The following INO80 variants were observed in gnomAD, a reference collection of about 807,000 sequenced individuals.
The protein encoded by INO80 is chromatin-remodeling ATPase INO80.
In INO80, 20 loss-of-function variants were observed where a neutral mutation model predicts 203.4. That is an observed-to-expected ratio of 0.10 (90% CI 0.07 to 0.14). INO80 has a LOEUF of 0.14. INO80 is among the 10% of genes least tolerant of loss of function. INO80 has a pLI of 1.00. For synonymous variants in INO80, 726 were observed against 685.2 expected (o/e 1.06, Z -0.93); for missense variants, 1,419 against 1,914.4 (o/e 0.74, Z 4.83).
intron 23 of INO80, among the ~76,000 whole-genome samples, chr15:41,046,854 G>A (rs556585366): frequency 1.3e-5 from 2 of 151,952 alleles, no homozygotes; most frequent in South Asian, 4.2e-4. Flanking sequence ...CTGACCTTAA[G>A]TGATCCACCC....
intron 27 of INO80, among the ~76,000 whole-genome samples, chr15:41,009,619 G>T (rs924289637): frequency 6.6e-6 from 1 of 151,848 alleles, no homozygotes; most frequent in Non-Finnish European, 1.5e-5. Flanking sequence ...TTGAGGCAGG[G>T]TCTTGCTCTA....
intron 35 of INO80, 96 bp downstream of exon 35, chr15:40,982,766 C>G (rs534188495): frequency 2.0e-6 from 2 of 1,019,530 alleles, no homozygotes; most frequent in Non-Finnish European, 2.9e-6. Context: ...AGAAAGCTCC[C>G]GGCTTCAGGG....
chr15:41,008,050 T>C (rs1830894761), intron 27 of INO80, among the ~76,000 whole-genome samples: 1 of 152,138 alleles, frequency 6.6e-6, no homozygotes, highest in Non-Finnish European at 1.5e-5. Flanking sequence ...GGTATGTGCC[T>C]GTAGTCCCAG....
At chr15:41,038,905 G>A (rs1424370351) in intron 24 of INO80, among the ~76,000 whole-genome samples, 6 of 152,136 alleles carry the variant, frequency 3.9e-5, no homozygotes, top group Non-Finnish European at 8.8e-5. Context: ...TACTTCTCAT[G>A]GCTTCACATT....
At chr15:41,058,576 T>G in intron 16 of INO80, 63 bp downstream of exon 16, 1 of 963,986 alleles carries the variant, frequency 1.0e-6, no homozygotes, top group Non-Finnish European at 1.5e-6. Context: ...TGTGCGTGTG[T>G]GTGTGTGTGT....
chr15:41,041,742 C>T (rs910907115), intron 24 of INO80, among the ~76,000 whole-genome samples: 1 of 152,158 alleles, frequency 6.6e-6, no homozygotes, highest in Non-Finnish European at 1.5e-5. Flanking sequence ...CTGTACCCAG[C>T]CGGCTTCTAG....
At chr15:40,998,983 TACAC>T (rs10650860) in intron 28 of INO80, among the ~76,000 whole-genome samples, 2,861 of 140,386 alleles carry the variant, frequency 0.02, 40 homozygotes, top group Non-Finnish European at 0.027. Flanking sequence ...AAGATTTATC[TACAC>T]ACACACACAC....
At chr15:41,073,063 G>C (rs1047790999) in intron 11 of INO80, among the ~76,000 whole-genome samples, 12 of 152,008 alleles carry the variant, frequency 7.9e-5, no homozygotes, top group African/African-American at 2.9e-4. Flanking sequence ...ACAGGAGTGA[G>C]CCACCACGCC....
At chr15:41,100,848 A>G (rs1342421538) in intron 1 of INO80, among the ~76,000 whole-genome samples, 1 of 133,524 alleles carries the variant, frequency 7.5e-6, no homozygotes, top group Non-Finnish European at 1.6e-5. Context: ...TTTTTTTTTG[A>G]GACAGAGGCT....
chr15:41,062,291 C>A (rs1343125455), intron 14 of INO80, among the ~76,000 whole-genome samples: 3 of 151,792 alleles, frequency 2.0e-5, no homozygotes, highest in African/African-American at 7.3e-5. Flanking sequence ...CAAGTTTTTC[C>A]CCCAGATTAT....
chr15:41,005,580 C>T lies in INO80; in HGVS notation c.3497+13G>A. 6.9e-7 allele frequency: 1 copy of T among 1,452,312 alleles called. No homozygotes were observed. Among genetic ancestry groups the T allele is most frequent in the Non-Finnish European group, 9.6e-7 (1 of 1,040,446 alleles). 90.0% of individuals were successfully genotyped at this position (1,452,312 alleles called of 1,614,324 possible). A position where few individuals can be genotyped will look rare whatever the true frequency, so the allele number is the denominator to read the frequency against. On this transcript the variant is annotated intron_variant, in intron 28 of 35. Transcript: ENST00000648947. ...ATTAAAAAGATAATTTTTGTAATTC[C>T]CATGAACATTACCTGTTCTGAAAAT...
At chr15:41,021,481 A>G (rs1301211659) in intron 25 of INO80, among the ~76,000 whole-genome samples, 1 of 152,248 alleles carries the variant, frequency 6.6e-6, no homozygotes, top group East Asian at 1.9e-4. Context: ...AAGTTCTCTT[A>G]ACCATATGCA....
chr15:41,050,556 C>A (rs570807587), intron 19 of INO80, among the ~76,000 whole-genome samples: 1 of 152,136 alleles, frequency 6.6e-6, no homozygotes, highest in East Asian at 1.9e-4. Context: ...ACTTAACTCA[C>A]CTCTGAATGC....
intron 24 of INO80, among the ~76,000 whole-genome samples, chr15:41,028,350 G>A (rs2044408831): frequency 6.6e-6 from 1 of 152,062 alleles, no homozygotes; most frequent in Admixed American, 6.5e-5. Flanking sequence ...TGGCCAGGCT[G>A]GTCTCGAACT....
intron 1 of INO80, among the ~76,000 whole-genome samples, chr15:41,113,997 G>A (rs567530928): frequency 5.3e-5 from 8 of 152,148 alleles, no homozygotes; most frequent in African/African-American, 1.4e-4. Flanking sequence ...AGCCGGGCAC[G>A]GTGGCTCACG....
Position 41,047,488 on chromosome 15 carries a change from T to C in INO80, c.2655A>G (p.Glu885=), listed in dbSNP as rs778509333. ...SLFHRKGINE[E]SCFSFLRFID... is the part of the protein sequence containing the mutation. ...TAAAGCGAAGGAAAGAGAAACAGCT[T>C]TCTTCATTAATACCTGAAATATAAA... The change falls in exon 23 of 36, where the codon GAA becomes GAG. Residue 885 remains glutamate, a synonymous_variant. Transcript: ENST00000648947. 3.7e-6 allele frequency: 6 copies of C among 1,606,982 alleles called. No homozygotes were observed. Among genetic ancestry groups the C allele is most frequent in the African/African-American group, 1.3e-5 (1 of 74,716 alleles).
intron 29 of INO80, among the ~76,000 whole-genome samples, chr15:40,992,852 G>C (rs2043833747): frequency 6.6e-6 from 1 of 152,154 alleles, no homozygotes; most frequent in African/African-American, 2.4e-5. Context: ...GAGTGCAGCG[G>C]CACAATCACA....
chr15:40,983,983 C>G, intron 33 of INO80, 62 bp from the exon 34 acceptor site: 6 of 1,561,244 alleles, frequency 3.8e-6, no homozygotes, highest in Non-Finnish European at 5.3e-6. Context: ...GGCCTTGCAC[C>G]CAGCTAGGAA....
chr15:41,079,974 C>T (rs2045461735), intron 8 of INO80, 70 bp from the exon 9 acceptor site: 2 of 1,284,942 alleles, frequency 1.6e-6, no homozygotes, highest in Non-Finnish European at 2.3e-6. Context: ...GGACTCTAAA[C>T]CACATCATTC....
Sources: allele counts gnomAD v4.1 joint callset (sites outside exome capture counted in the v4.1 genomes callset), GRCh38; gene constraint gnomAD v4.1.1; transcripts MANE v1.5; gene names NCBI Gene and HGNC (gene_info 2026-07-23, HGNC 2026-07-21).